The following ZFYVE26 variants were observed in gnomAD, a reference collection of about 807,000 sequenced individuals.
ZFYVE26 encodes zinc finger FYVE domain-containing protein 26.
Under a neutral mutation model 276.5 loss-of-function variants are expected in ZFYVE26, and 181 were observed. The observed-to-expected ratio is 0.65, with a 90% CI of 0.58 to 0.74. The LOEUF (loss-of-function observed/expected upper bound fraction) is 0.74, where lower values mean the gene tolerates loss of function less well. Ranked by LOEUF, ZFYVE26 falls within the 30% of genes least tolerant of loss-of-function variation. ZFYVE26 has a pLI of 0.00. For synonymous variants in ZFYVE26, 1,129 were observed against 1,203.1 expected, an observed-to-expected ratio of 0.94 and a Z score of 1.27; for missense variants, 2,821 against 3,097.9, an observed-to-expected ratio of 0.91 and a Z score of 2.12.
chr14:67,759,909 T>C (rs147759514), intron 35 of ZFYVE26, among the ~76,000 whole-genome samples: 29 of 152,314 alleles, frequency 1.9e-4, no homozygotes, highest in Admixed American at 2.6e-4. Flanking sequence ...GGGAAAAGGC[T>C]AGGGACAGAA....
intron 12 of ZFYVE26, chr14:67,796,604 T>C (rs911772774): frequency 1.3e-5 from 2 of 152,184 alleles, no homozygotes; most frequent in Non-Finnish European, 2.9e-5. Flanking sequence ...TATAAACATA[T>C]TGAAATATCA....
intron 13 of ZFYVE26, among the ~76,000 whole-genome samples, chr14:67,738,978 T>G (rs1180063800): frequency 6.6e-6 from 1 of 152,044 alleles, no homozygotes; most frequent in Non-Finnish European, 1.5e-5. Flanking sequence ...TGGGAAAATG[T>G]TTTTGAAAGC....
At chr14:67,755,855 C>G in intron 36 of ZFYVE26, 93 bp downstream of exon 36, 1 of 1,474,214 alleles carries the variant, frequency 6.8e-7, no homozygotes, top group Non-Finnish European at 9.5e-7. Flanking sequence ...GGCCAGGGAC[C>G]AATGACAGTC....
chr14:67,813,893 A>C (rs1594943161), intron 3 of ZFYVE26, 93 bp downstream of exon 3: 1 of 886,764 alleles, frequency 1.1e-6, no homozygotes, highest in East Asian at 2.6e-5. Flanking sequence ...TTTAATGATA[A>C]AGGAAGTAAC....
downstream of ZFYVE26, among the ~76,000 whole-genome samples, chr14:67,744,409 A>G (rs927404012): frequency 6.6e-6 from 1 of 151,832 alleles, no homozygotes; most frequent in Non-Finnish European, 1.5e-5. Context: ...TTTATTTATT[A>G]TTTATTTTAC....
rs2039561113 is a variant in ZFYVE26, at chr14:67,783,404, G to A, written c.3748C>T (p.Leu1250=). ...TGGGCCAGAGTACCCAGACGAGTCA[G>A]GAGGGAGGAGGTCTGCTGGCTTTGC... ...SRQSQQTSSL[L]TRLGTLAQLH... is the part of the protein sequence containing the mutation. The change falls in exon 21 of 42, where the codon CTG becomes TTG. Residue 1250 remains leucine, a synonymous_variant. Coordinates refer to ENST00000347230, the MANE Select transcript of ZFYVE26 (RefSeq NM_015346.4). 5.0e-6 allele frequency: 8 copies of A among 1,614,208 alleles called. No homozygotes were observed. The highest frequency in any genetic ancestry group is 6.8e-6 in the Non-Finnish European group (8 of 1,180,038).
intron 9 of ZFYVE26, among the ~76,000 whole-genome samples, chr14:67,803,310 G>A (rs2040114280): frequency 6.6e-6 from 1 of 152,042 alleles, no homozygotes; most frequent in Non-Finnish European, 1.5e-5. Flanking sequence ...AAAGATCTTA[G>A]GTTAAAAAAA....
chr14:67,796,600 C>A (rs1440668337), intron 12 of ZFYVE26: 1 of 152,100 alleles, frequency 6.6e-6, no homozygotes, highest in Non-Finnish European at 1.5e-5. Flanking sequence ...ATTTTATAAA[C>A]ATATTGAAAT....
In ZFYVE26 at chr14:67,777,639, T is replaced by C. The variant is rs775761995; in HGVS notation, c.4894A>G (p.Asn1632Asp). The C allele has an allele frequency of 1.2e-6, 2 of 1,614,140 alleles. No homozygotes were observed. Among genetic ancestry groups the C allele is most frequent in the South Asian group, 2.2e-5 (2 of 91,078 alleles). The stretch of plus-strand genomic sequence containing the variant: ...CCATAGAAGTGGGTGGTGAGGTAGT[T>C]GGCCAAGAAGTGAGAAGTGGCCAAG... Reference protein sequence around the residue: ...TSLATSHFLANYLTTHFYGQL... With the variant: ...TSLATSHFLADYLTTHFYGQL... The change falls in exon 25 of 42, where the codon AAC becomes GAC. Residue 1632 changes from asparagine to aspartate, a missense_variant. By Grantham distance (23) the Asn-to-Asp change is conservative. Transcript: ENST00000347230.
At chr14:67,748,754 A>G (rs139979196) in intron 41 of ZFYVE26, 115 bp from the exon 42 acceptor site, 11 of 1,018,230 alleles carry the variant, frequency 1.1e-5, no homozygotes, top group Admixed American at 2.0e-5. Context: ...TGCCACGTTC[A>G]TAACAGGATT....
intron 13 of ZFYVE26, among the ~76,000 whole-genome samples, chr14:67,736,029 T>C (rs2140166248): frequency 6.6e-6 from 1 of 152,318 alleles, no homozygotes; most frequent in African/African-American, 2.4e-5. Context: ...CTTTTAGTTA[T>C]AAGATGGACA....
At chr14:67,774,959 A>T in intron 27 of ZFYVE26, 57 bp downstream of exon 27, 1 of 1,230,034 alleles carries the variant, frequency 8.1e-7, no homozygotes, top group Non-Finnish European at 1.2e-6. Flanking sequence ...TCTGAAGGAT[A>T]GAATAAGGCA....
chr14:67,807,989 T>A (rs578107705), intron 4 of ZFYVE26, 69 bp from the exon 5 acceptor site: 2 of 1,560,796 alleles, frequency 1.3e-6, no homozygotes, highest in Admixed American at 1.8e-5. Flanking sequence ...TGTGCCTTCA[T>A]GCTTTCCTCT....
At chr14:67,738,248 A>G (rs1467959302) in intron 13 of ZFYVE26, among the ~76,000 whole-genome samples, 1 of 151,590 alleles carries the variant, frequency 6.6e-6, no homozygotes, top group African/African-American at 2.4e-5. Flanking sequence ...TTAGCAAAAA[A>G]ATGGAAATAG....
intron 13 of ZFYVE26, among the ~76,000 whole-genome samples, chr14:67,740,219 C>A (rs958817573): frequency 1.3e-5 from 2 of 152,086 alleles, no homozygotes; most frequent in Non-Finnish European, 2.9e-5. Context: ...TTGTTATAGT[C>A]ATCTAATAAT....
chr14:67,808,202 C>T (rs1275535724), intron 4 of ZFYVE26, among the ~76,000 whole-genome samples: 3 of 152,128 alleles, frequency 2.0e-5, no homozygotes, highest in Non-Finnish European at 4.4e-5. Flanking sequence ...CCCAGGGCCT[C>T]CATGCTCCAG....
At chr14:67,774,231 T>C (rs12588401) in intron 27 of ZFYVE26, among the ~76,000 whole-genome samples, 92,930 of 151,668 alleles carry the variant, frequency 0.61, 29,386 homozygotes, top group East Asian at 0.92. Context: ...CCTGGCTGGG[T>C]GTGGTGGCTC....
intron 13 of ZFYVE26, among the ~76,000 whole-genome samples, chr14:67,732,445 ATCCTCCTC>A (rs2038292532): frequency 7.5e-6 from 1 of 134,206 alleles, no homozygotes; most frequent in Non-Finnish European, 1.6e-5. Flanking sequence ...AAAAAAAAAA[ATCCTCCTC>A]AAACTAGATA....
chr14:67,745,324 A>G (rs903824768), downstream of ZFYVE26, among the ~76,000 whole-genome samples: 15 of 152,172 alleles, frequency 9.9e-5, no homozygotes, highest in Non-Finnish European at 2.1e-4. Context: ...TCAGATGGAT[A>G]GATTTAAAAA....
Sources: gnomAD v4.1 joint callset for allele counts (sites outside exome capture counted in the v4.1 genomes callset) on GRCh38, gnomAD v4.1.1 for gene constraint, MANE v1.5 for transcripts, NCBI Gene and HGNC (gene_info 2026-07-23, HGNC 2026-07-21) for gene names.